GLRA2: variants seen among roughly 807,000 people sequenced by gnomAD.
GLRA2 encodes the protein glycine receptor subunit alpha-2.
In GLRA2, 11 loss-of-function variants were observed where a neutral mutation model predicts 31.6. The ratio of observed to expected loss-of-function variants is 0.35; its 90% confidence interval spans 0.22 to 0.58. The LOEUF (loss-of-function observed/expected upper bound fraction) is 0.58. GLRA2 is among the 20% of genes least tolerant of loss of function. The pLI is 0.84. For synonymous variants in GLRA2, 132 were observed against 134.0 expected (o/e 0.99, Z 0.10); for missense variants, 212 against 351.8 (o/e 0.60, Z 3.18).
At chrX:14,478,635 G>A in the GLRA2 span, among the ~76,000 whole-genome samples, 2 of 112,142 alleles carry the variant, frequency 1.8e-5, no homozygotes, top group Non-Finnish European at 3.8e-5. Context: ...AAAAAATGAT[G>A]ATTTCTTCTG....
chrX:14,692,202 A>T (rs1471189764), intron 8 of GLRA2, among the ~76,000 whole-genome samples: 1 of 112,084 alleles, frequency 8.9e-6, no homozygotes, highest in Non-Finnish European at 1.9e-5. Context: ...CCTGCCATAG[A>T]TAAGGAAAAC....
intron 2 of GLRA2, among the ~76,000 whole-genome samples, chrX:14,558,773 T>C (rs1004745112): frequency 1.8e-5 from 2 of 111,534 alleles, no homozygotes; most frequent in Non-Finnish European, 3.8e-5. Context: ...AGATGCTATT[T>C]GGTTCTTGAT....
chrX:14,507,689 CTTTTTTTTTTT>C, the GLRA2 span, among the ~76,000 whole-genome samples: 14 of 46,638 alleles, frequency 3.0e-4, no homozygotes, highest in South Asian at 0.017. Context: ...GAAAGACATT[CTTTTTTTTTTT>C]TTTTTTTTTT....
At chrX:14,471,710 T>C in the GLRA2 span, among the ~76,000 whole-genome samples, 2 of 112,401 alleles carry the variant, frequency 1.8e-5, no homozygotes, top group Non-Finnish European at 3.8e-5. Flanking sequence ...TTTTGTCCCA[T>C]AGTCTAATTT....
At chrX:14,575,686 C>T (rs1057001749) in intron 3 of GLRA2, among the ~76,000 whole-genome samples, 3 of 111,093 alleles carry the variant, frequency 2.7e-5, no homozygotes, top group Non-Finnish European at 3.8e-5. Context: ...GTCTCAAATT[C>T]CTGGCCTCGA....
chrX:14,582,279 G>A (rs749347326), intron 4 of GLRA2, among the ~76,000 whole-genome samples: 2 of 98,050 alleles, frequency 2.0e-5, no homozygotes, highest in South Asian at 5.0e-4. Context: ...ATGTGTTCTC[G>A]TTGTTTAATT....
At chrX:14,535,017 T>C (rs989701506) in intron 2 of GLRA2, among the ~76,000 whole-genome samples, 1 of 111,510 alleles carries the variant, frequency 9.0e-6, no homozygotes, top group Non-Finnish European at 1.9e-5. Context: ...GCATACAGAA[T>C]AGTAACGGTC....
intron 7 of GLRA2, among the ~76,000 whole-genome samples, chrX:14,633,987 C>T (rs926333450): frequency 2.7e-5 from 3 of 111,421 alleles, no homozygotes; most frequent in African/African-American, 6.5e-5. Context: ...CTCACTCTGT[C>T]GCCCAGGCTG....
At chrX:14,521,585 T>A in the GLRA2 span, among the ~76,000 whole-genome samples, 1 of 111,383 alleles carries the variant, frequency 9.0e-6, no homozygotes, top group East Asian at 2.8e-4. Context: ...AGCTTGCAGA[T>A]GGTCCAGCTT....
At chrX:14,678,840 A>C (rs987786704) in intron 7 of GLRA2, among the ~76,000 whole-genome samples, 1 of 110,905 alleles carries the variant, frequency 9.0e-6, no homozygotes, top group Non-Finnish European at 1.9e-5. Flanking sequence ...AAACTCTACT[A>C]TGGGGTTGGT....
chrX:14,717,551 T>G (rs1010802896), intron 8 of GLRA2, among the ~76,000 whole-genome samples: 1 of 111,281 alleles, frequency 9.0e-6, no homozygotes. Flanking sequence ...TGCTCTAATA[T>G]TTATTTGTAG....
the GLRA2 span, among the ~76,000 whole-genome samples, chrX:14,522,116 T>C: frequency 8.9e-6 from 1 of 112,428 alleles, no homozygotes; most frequent in Non-Finnish European, 1.9e-5. Context: ...CTTTCAAAAT[T>C]GAAGTAAATC....
Position 14,619,143 on chromosome X carries a change from G to A in GLRA2, c.930+9938G>A, listed in dbSNP as rs1352252505. Reference sequence around the variant, plus strand: ...AGGACTGGAACTCTTGGGGTCTTGGGATTTAGAATTCTCCCTACCACACCT... The same window carrying A: ...AGGACTGGAACTCTTGGGGTCTTGGAATTTAGAATTCTCCCTACCACACCT... On this transcript the variant is annotated intron_variant, in intron 7 of 8. Transcript: ENST00000218075. Among the ~76,000 whole-genome samples, 3 of 110,942 alleles carry A rather than the reference G, an allele frequency of 2.7e-5. No individual in the cohort carries two copies. The South Asian group carries it at 1.1e-3, about 42-fold the overall frequency.
chrX:14,523,540 C>T, the GLRA2 span, among the ~76,000 whole-genome samples: 1 of 112,166 alleles, frequency 8.9e-6, no homozygotes, highest in Non-Finnish European at 1.9e-5. Context: ...TTTCCATATG[C>T]TTTCCTCATT....
intron 8 of GLRA2, among the ~76,000 whole-genome samples, chrX:14,706,923 C>T (rs185361028): frequency 8.9e-6 from 1 of 112,120 alleles, no homozygotes; most frequent in African/African-American, 3.2e-5. Flanking sequence ...TGCTGAATGT[C>T]GTACAGCCAA....
intron 8 of GLRA2, among the ~76,000 whole-genome samples, chrX:14,693,897 A>G (rs185060084): frequency 6.6e-3 from 740 of 112,217 alleles, no homozygotes; most frequent in Non-Finnish European, 0.011. Flanking sequence ...TAAATTGTAC[A>G]TATCAAAATA....
chrX:14,730,545 G>A lies in GLRA2; in HGVS notation c.*60G>A. 1 of 572,969 alleles carries A rather than the reference G, an allele frequency of 1.7e-6. No individual in the cohort carries two copies. Among genetic ancestry groups the A allele is most frequent in the Non-Finnish European group, 2.5e-6 (1 of 392,739 alleles). The allele number at this position is 572,969 out of a possible 1,213,427, so 47.2% of individuals were successfully genotyped here. On this transcript the variant is annotated 3_prime_UTR_variant, in exon 9 of 9. Coordinates refer to ENST00000218075, the MANE Select transcript of GLRA2 (RefSeq NM_002063.4). Reference sequence around the variant, plus strand: ...AGTGTTGTGCTTGTAAATACACAGTGAAATTGTCTTTATATCACTTTGACA... The same window carrying A: ...AGTGTTGTGCTTGTAAATACACAGTAAAATTGTCTTTATATCACTTTGACA...
intron 4 of GLRA2, among the ~76,000 whole-genome samples, chrX:14,585,154 A>T (rs1315600245): frequency 9.0e-6 from 1 of 111,515 alleles, no homozygotes; most frequent in Non-Finnish European, 1.9e-5. Flanking sequence ...AAACCTTGGT[A>T]AAGGAGAATT....
the GLRA2 span, among the ~76,000 whole-genome samples, chrX:14,464,713 C>T: frequency 1.2e-3 from 139 of 111,422 alleles, no homozygotes; most frequent in African/African-American, 4.3e-3. Flanking sequence ...CCCACCACCA[C>T]GCCCAGCTAA....
Sources: gnomAD v4.1 joint callset for allele counts (sites outside exome capture counted in the v4.1 genomes callset) on GRCh38, gnomAD v4.1.1 for gene constraint, MANE v1.5 for transcripts, NCBI Gene and HGNC (gene_info 2026-07-23, HGNC 2026-07-21) for gene names.